Variants in LINC01488 observed in about 807,000 individuals in gnomAD.
LINC01488 encodes the protein long independently transcribed non-coding RNA 1488, also known as CCND1-upstream intergenic DNA repair 1.
intron 1 of LINC01488, among the ~76,000 whole-genome samples, chr11:69,483,887 C>T (rs1303539031): frequency 6.6e-6 from 1 of 152,130 alleles, no homozygotes; most frequent in African/African-American, 2.4e-5. Flanking sequence ...TGGGCTGGGG[C>T]CGGAAACCAG....
chr11:69,488,878 T>C (rs1446499205), intron 1 of LINC01488, among the ~76,000 whole-genome samples: 1 of 152,136 alleles, frequency 6.6e-6, no homozygotes, highest in Non-Finnish European at 1.5e-5. Context: ...GGCCCAGCCC[T>C]GCACAGCCGT....
At chr11:69,491,554 G>A (rs887825608) in intron 3 of LINC01488, 9 of 152,334 alleles carry the variant, frequency 5.9e-5, no homozygotes, top group African/African-American at 2.2e-4. Flanking sequence ...CCGAGGAGCT[G>A]GGCTGTGGTC....
chr11:69,490,064 G>C (rs898115218), intron 1 of LINC01488, among the ~76,000 whole-genome samples: 1 of 152,212 alleles, frequency 6.6e-6, no homozygotes, highest in East Asian at 1.9e-4. Flanking sequence ...CTGGAGTTTT[G>C]TTGGAGGAGC....
chr11:69,484,744 G>T (rs988438446), intron 1 of LINC01488, among the ~76,000 whole-genome samples: 13 of 152,342 alleles, frequency 8.5e-5, no homozygotes, highest in Admixed American at 7.8e-4. Flanking sequence ...GGGTGGCCGT[G>T]GGCAGGTTCC....
intron 1 of LINC01488, among the ~76,000 whole-genome samples, chr11:69,490,046 A>C (rs1309282052): frequency 1.3e-5 from 2 of 152,176 alleles, no homozygotes; most frequent in East Asian, 3.9e-4. Flanking sequence ...CATAGGTCAG[A>C]AAGGGGCCTG....
exon 3 of LINC01488, chr11:69,491,296 G>C (rs1296713157): frequency 6.6e-6 from 1 of 152,280 alleles, no homozygotes; most frequent in African/African-American, 2.4e-5. Flanking sequence ...CTGACACCTG[G>C]AACGTGCTTG....
At chr11:69,489,793 G>A (rs1188735502) in intron 1 of LINC01488, among the ~76,000 whole-genome samples, 1 of 152,226 alleles carries the variant, frequency 6.6e-6, no homozygotes, top group African/African-American at 2.4e-5. Flanking sequence ...GAGAACCCCC[G>A]TGGCCGAGCC....
chr11:69,486,630 T>C (rs1273591595), intron 1 of LINC01488, among the ~76,000 whole-genome samples: 1 of 152,076 alleles, frequency 6.6e-6, no homozygotes, highest in Non-Finnish European at 1.5e-5. Context: ...GGAGGTGCCT[T>C]CTGCTCAGAG....
intron 1 of LINC01488, among the ~76,000 whole-genome samples, chr11:69,488,901 C>T (rs985619927): frequency 2.6e-5 from 4 of 152,210 alleles, no homozygotes; most frequent in Non-Finnish European, 4.4e-5. Flanking sequence ...CCTTGACACG[C>T]GTCTCTCCTT....
At chr11:69,484,635 G>A (rs1857085645) in intron 1 of LINC01488, among the ~76,000 whole-genome samples, 1 of 152,254 alleles carries the variant, frequency 6.6e-6, no homozygotes, top group African/African-American at 2.4e-5. Context: ...TTTCTGGAAG[G>A]AGAAGAGGAC....
rs540092014 is a variant in LINC01488 at position 69,484,753 on chromosome 11, C to T, written n.122+2970C>T. On this transcript the variant is annotated intron_variant and non_coding_transcript_variant, in intron 1 of 3. Transcript: ENST00000644563. Reference sequence around the variant, plus strand: ...AGCGATGGGTGGCCGTGGGCAGGTTCCCTGCACTCCTGGGGCCTCGTCTTC... The same window carrying T: ...AGCGATGGGTGGCCGTGGGCAGGTTTCCTGCACTCCTGGGGCCTCGTCTTC... 5.3e-5 allele frequency among the ~76,000 whole-genome samples: 8 copies of T among 152,356 alleles called. No homozygotes were observed. The South Asian group carries it at 1.4e-3, about 28-fold the overall frequency.
chr11:69,492,163 C>T (rs745503605), exon 4 of LINC01488: 3 of 152,230 alleles, frequency 2.0e-5, no homozygotes, highest in Non-Finnish European at 4.4e-5. Context: ...GCCAGGAGGC[C>T]AACGAGGAGT....
At chr11:69,482,369 A>G (rs993477416) in intron 1 of LINC01488, among the ~76,000 whole-genome samples, 1 of 149,764 alleles carries the variant, frequency 6.7e-6, no homozygotes, top group Non-Finnish European at 1.5e-5. Context: ...GTGAGATGTG[A>G]GTGGGGACAC....
Position 69,484,760 on chromosome 11 carries a change from C to A in LINC01488, n.122+2977C>A, listed in dbSNP as rs558476210. ...GGTGGCCGTGGGCAGGTTCCCTGCA[C>A]TCCTGGGGCCTCGTCTTCAGTCTGT... is the stretch of plus-strand genomic sequence containing the variant. On this transcript the variant is annotated intron_variant and non_coding_transcript_variant, in intron 1 of 3. Coordinates refer to ENST00000644563, the Ensembl canonical transcript of LINC01488. Among the ~76,000 whole-genome samples, 18 of 152,352 alleles carry A rather than the reference C, an allele frequency of 1.2e-4. No individual in the cohort carries two copies. The South Asian group carries it at 2.3e-3, about 19-fold the overall frequency.
chr11:69,491,276 G>A (rs1256744781), exon 3 of LINC01488: 9 of 152,326 alleles, frequency 5.9e-5, no homozygotes, highest in Non-Finnish European at 8.8e-5. Flanking sequence ...TCCAGGGGGA[G>A]GATAAAGAGC....
At chr11:69,487,968 A>C (rs897306901) in intron 1 of LINC01488, 3 of 152,406 alleles carry the variant, frequency 2.0e-5, no homozygotes, top group Admixed American at 6.5e-5. Context: ...ACTGAGGCAC[A>C]GACATGGATG....
intron 1 of LINC01488, among the ~76,000 whole-genome samples, chr11:69,490,216 C>T (rs925836549): frequency 3.3e-5 from 5 of 152,228 alleles, no homozygotes; most frequent in African/African-American, 1.2e-4. Flanking sequence ...AGGCCCATCC[C>T]TAGTCAGCCC....
exon 3 of LINC01488, chr11:69,491,230 A>G (rs1419922783): frequency 6.6e-6 from 1 of 152,286 alleles, no homozygotes; most frequent in Non-Finnish European, 1.5e-5. Flanking sequence ...GGGACACAGC[A>G]TGAAGGAGTA....
At chr11:69,482,877 T>A (rs1857062114) in intron 1 of LINC01488, among the ~76,000 whole-genome samples, 1 of 152,188 alleles carries the variant, frequency 6.6e-6, no homozygotes, top group South Asian at 2.1e-4. Context: ...TTCACAGGGT[T>A]GTTCCTCTAT....
Sources: allele counts gnomAD v4.1 joint callset (sites outside exome capture counted in the v4.1 genomes callset), GRCh38; gene constraint gnomAD v4.1.1; transcripts MANE v1.5; gene names NCBI Gene and HGNC (gene_info 2026-07-23, HGNC 2026-07-21).